HERPUD2: variants seen among roughly 807,000 people sequenced by gnomAD.
HERPUD2 encodes the protein HERPUD family member 2, also known as homocysteine-responsive endoplasmic reticulum-resident ubiquitin-like domain member 2 protein.
In HERPUD2, 13 loss-of-function variants were observed where a neutral mutation model predicts 49.9. The observed-to-expected ratio is 0.26, with a 90% CI of 0.17 to 0.41. HERPUD2 has a LOEUF of 0.41. HERPUD2 is among the 10% of genes least tolerant of loss of function. HERPUD2 has a pLI of 1.00. For missense variants in HERPUD2, 449 were observed against 492.2 expected (o/e 0.91, Z 0.83); for synonymous variants, 172 against 171.4 (o/e 1.00, Z -0.03).
chr7:35,686,468 T>C (rs1382052326), intron 2 of HERPUD2, among the ~76,000 whole-genome samples: 8 of 280 alleles, frequency 0.029, no homozygotes, highest in African/African-American at 0.091. Flanking sequence ...ATTACAGGCG[T>C]CAGCGCAGCG....
At position 35,635,507 on chromosome 7, in the gene HERPUD2, A is replaced by G. The variant is rs573628381; in HGVS notation, c.618-49T>C. ...ATTAAAAAGAAAAAAAAACTTTACC[A>G]TACCATATTTTTTTAAACTTCTTGG... is the stretch of plus-strand genomic sequence containing the variant. On this transcript the variant is annotated intron_variant, in intron 6 of 8. Coordinates refer to ENST00000311350, the MANE Select transcript of HERPUD2 (RefSeq NM_022373.5). The G allele has an allele frequency of 2.7e-6, 4 of 1,484,440 alleles. No homozygotes were observed. In the Admixed American group the frequency reaches 6.7e-5, roughly 25 times the overall value. The allele number at this position is 1,484,440 out of a possible 1,614,324, so 92.0% of individuals were successfully genotyped here. A position where few individuals can be genotyped will look rare whatever the true frequency, so the allele number is the denominator to read the frequency against.
At chr7:35,693,392 T>C (rs761974744) in intron 2 of HERPUD2, among the ~76,000 whole-genome samples, 5 of 152,180 alleles carry the variant, frequency 3.3e-5, no homozygotes, top group South Asian at 2.1e-4. Context: ...TTGAAACATA[T>C]ATAGTAACCT....
At position 35,694,599 on chromosome 7, in the gene HERPUD2, T is replaced by A. The variant is rs1484511965; in HGVS notation, c.-269A>T. On this transcript the variant is annotated 5_prime_UTR_variant, in exon 2 of 9. Transcript: ENST00000311350. ...GTCCGGGCTCCGCCGGGCTCCGGAC[T>A]GTGGAGGCCGTCGTGAGGAGAAAGG... 1 of 488,866 alleles carries A rather than the reference T, an allele frequency of 2.0e-6. No homozygotes were observed. The highest frequency in any genetic ancestry group is 3.3e-5 in the Admixed American group (1 of 30,716). The allele number at this position is 488,866 out of a possible 1,614,324, so 30.3% of individuals were successfully genotyped here.
At chr7:35,665,033 G>C (rs1327888170) in intron 5 of HERPUD2, among the ~76,000 whole-genome samples, 13 of 152,186 alleles carry the variant, frequency 8.5e-5, no homozygotes, top group Non-Finnish European at 1.9e-4. Flanking sequence ...CCCCTACTGG[G>C]AGATGCCTCC....
chr7:35,642,370 A>T (rs1438117415), intron 5 of HERPUD2, among the ~76,000 whole-genome samples: 4 of 152,210 alleles, frequency 2.6e-5, no homozygotes, highest in Admixed American at 6.5e-5. Context: ...GGGAGTGTAA[A>T]TTAGTTCAAC....
chr7:35,646,499 C>T (rs1785056248), intron 5 of HERPUD2, among the ~76,000 whole-genome samples: 1 of 152,114 alleles, frequency 6.6e-6, no homozygotes, highest in South Asian at 2.1e-4. Flanking sequence ...AAGTTCAAGG[C>T]TGCAGTGAGC....
intron 2 of HERPUD2, among the ~76,000 whole-genome samples, chr7:35,690,825 CG>C (rs1786166760): frequency 6.6e-6 from 1 of 151,620 alleles, no homozygotes; most frequent in African/African-American, 2.4e-5. Flanking sequence ...AAAAAAAGAA[CG>C]GTATAAAAAA....
chr7:35,667,162 C>A (rs1342917411), intron 5 of HERPUD2, among the ~76,000 whole-genome samples: 1 of 152,110 alleles, frequency 6.6e-6, no homozygotes, highest in Non-Finnish European at 1.5e-5. Context: ...CCCATCATAC[C>A]TATTGAATAC....
At chr7:35,666,179 A>T (rs6462622) in intron 5 of HERPUD2, among the ~76,000 whole-genome samples, 28,799 of 152,168 alleles carry the variant, frequency 0.19, 3,221 homozygotes, top group African/African-American at 0.31. Flanking sequence ...GCTTTTTACA[A>T]GTAAATCTTG....
At chr7:35,692,383 TAAAG>T (rs1786212707) in intron 2 of HERPUD2, among the ~76,000 whole-genome samples, 1 of 152,220 alleles carries the variant, frequency 6.6e-6, no homozygotes, top group African/African-American at 2.4e-5. Flanking sequence ...TAGTACAATG[TAAAG>T]ATCTCGCCTA....
rs1355835861 is a variant in HERPUD2, at chr7:35,686,718, C to CAAAAAAA, written c.147+7459_147+7465dup. Among the ~76,000 whole-genome samples, 7 of 3,802 alleles carry CAAAAAAA rather than the reference C, an allele frequency of 1.8e-3. 1 individual carries two copies. The highest frequency in any genetic ancestry group is 3.3e-3 in the Non-Finnish European group (7 of 2,128). 2.5% of individuals were successfully genotyped at this position (3,802 alleles called of 152,430 possible). On this transcript the variant is annotated intron_variant, in intron 2 of 8. Coordinates refer to ENST00000311350, the MANE Select transcript of HERPUD2 (RefSeq NM_022373.5). ...TGGGCGACAGAACGACACTCCGTCT[C>CAAAAAAA]AAAAAAAAAAAAAAAAAAAAAAAAA...
chr7:35,643,405 A>G (rs1784998580), intron 5 of HERPUD2, among the ~76,000 whole-genome samples: 1 of 152,224 alleles, frequency 6.6e-6, no homozygotes, highest in African/African-American at 2.4e-5. Flanking sequence ...ATATTTGTCA[A>G]TATGAGGTTG....
At chr7:35,644,047 C>A (rs1369418910) in intron 5 of HERPUD2, among the ~76,000 whole-genome samples, 3 of 152,060 alleles carry the variant, frequency 2.0e-5, no homozygotes, top group Non-Finnish European at 4.4e-5. Context: ...AGCATATATA[C>A]ATACAAATAA....
chr7:35,687,158 T>C (rs1195004698), intron 2 of HERPUD2, among the ~76,000 whole-genome samples: 1 of 151,798 alleles, frequency 6.6e-6, no homozygotes, highest in African/African-American at 2.4e-5. Flanking sequence ...ACAATAAAAG[T>C]TCATTCGTTT....
Position 35,694,243 on chromosome 7 carries a change from A to G in HERPUD2, c.88T>C (p.Leu30=). The G allele has an allele frequency of 1.2e-6, 2 of 1,614,122 alleles. No individual in the cohort carries two copies. The highest frequency in any genetic ancestry group is 1.7e-6 in the Non-Finnish European group (2 of 1,180,014). The change falls in exon 2 of 9, where the codon TTG becomes CTG. Residue 30 remains leucine (L), a synonymous_variant. Transcript: ENST00000311350. ...TTTAGTTTCCCCACGGTCCAGTTCA[A>G]GAAGCAGCTAATAGTCTGGTCACTG... ...KYSDQTISCF[L]NWTVGKLKTH... is the part of the protein sequence containing the mutation.
chr7:35,640,357 C>A (rs954838158), intron 5 of HERPUD2, among the ~76,000 whole-genome samples: 3 of 152,192 alleles, frequency 2.0e-5, no homozygotes, highest in African/African-American at 7.2e-5. Context: ...GTTACTTCAA[C>A]TGTAAAATGG....
At position 35,694,338 on chromosome 7, in the gene HERPUD2, C is replaced by A. The variant is rs1298585084; in HGVS notation, c.-8G>T. 3 of 1,614,096 alleles carry A rather than the reference C, an allele frequency of 1.9e-6. No homozygotes were observed. The highest frequency in any genetic ancestry group is 2.5e-6 in the Non-Finnish European group (3 of 1,179,984). ...CATCCCACTTTGGTCCATGGTGCCC[C>A]CAAAGTCAGACAGAGTCCAGAGGAG... On this transcript the variant is annotated 5_prime_UTR_variant, in exon 2 of 9. Transcript: ENST00000311350.
At chr7:35,689,378 G>GT (rs1786133827) in intron 2 of HERPUD2, among the ~76,000 whole-genome samples, 2 of 152,126 alleles carry the variant, frequency 1.3e-5, no homozygotes, top group Non-Finnish European at 2.9e-5. Context: ...TAAGACAATA[G>GT]TTTTATAAAA....
chr7:35,651,265 A>T (rs1459964307), intron 5 of HERPUD2, among the ~76,000 whole-genome samples: 2 of 151,830 alleles, frequency 1.3e-5, no homozygotes, highest in Non-Finnish European at 2.9e-5. Context: ...AGCTGACTGG[A>T]GGCCCCCCAA....
Sources: gnomAD v4.1 joint callset for allele counts (sites outside exome capture counted in the v4.1 genomes callset) on GRCh38, gnomAD v4.1.1 for gene constraint, MANE v1.5 for transcripts, NCBI Gene and HGNC (gene_info 2026-07-23, HGNC 2026-07-21) for gene names.